The following HS6ST3 variants were observed in gnomAD, a reference collection of about 807,000 sequenced individuals.
HS6ST3 encodes heparan-sulfate 6-O-sulfotransferase 3.
Under a neutral mutation model 36.7 loss-of-function variants are expected in HS6ST3, and 12 were observed. That is an observed-to-expected ratio of 0.33 (90% CI 0.21 to 0.53). HS6ST3 has a LOEUF of 0.53. HS6ST3 is among the 20% of genes least tolerant of loss of function. HS6ST3 has a pLI of 0.95. For missense variants in HS6ST3, 584 were observed against 640.9 expected (o/e 0.91, Z 0.96); for synonymous variants, 240 against 257.5 (o/e 0.93, Z 0.65).
intron 1 of HS6ST3, among the ~76,000 whole-genome samples, chr13:96,347,512 G>A (rs2055161569): frequency 6.6e-6 from 1 of 152,020 alleles, no homozygotes; most frequent in African/African-American, 2.4e-5. Context: ...GCTGTTTGGG[G>A]GAATTTTTAA....
rs373358761 is a variant in HS6ST3, at chr13:96,385,206, T to C, written c.707+293637T>C. Among the ~76,000 whole-genome samples the C allele has an allele frequency of 5.7e-4, 87 of 152,048 alleles. 2 individuals are homozygous for C. The highest frequency in any genetic ancestry group is 2.1e-3 in the African/African-American group (85 of 41,460). ...AAAAAAAAAAAAAAAGAAAAGATTT[T>C]TTTCAAGATTAAAATAAGTTTTCCA... On this transcript the variant is annotated intron_variant, in intron 1 of 1. Transcript: ENST00000376705.
intron 1 of HS6ST3, among the ~76,000 whole-genome samples, chr13:96,495,668 C>T (rs556942469): frequency 9.3e-4 from 142 of 152,212 alleles, no homozygotes; most frequent in African/African-American, 3.2e-3. Flanking sequence ...ATCATTCTAG[C>T]CTGGGGCAAG....
chr13:96,146,451 C>G (rs1220877306), intron 1 of HS6ST3, among the ~76,000 whole-genome samples: 1 of 152,106 alleles, frequency 6.6e-6, no homozygotes, highest in Non-Finnish European at 1.5e-5. Context: ...ATTTGGCTCT[C>G]CGTTTGTCTG....
At chr13:96,176,497 A>G (rs1435472564) in intron 1 of HS6ST3, among the ~76,000 whole-genome samples, 1 of 151,908 alleles carries the variant, frequency 6.6e-6, no homozygotes, top group African/African-American at 2.4e-5. Context: ...GACCTTAGGT[A>G]CCTTGTAAGA....
intron 1 of HS6ST3, among the ~76,000 whole-genome samples, chr13:96,476,384 A>C (rs2055863971): frequency 1.3e-5 from 2 of 152,074 alleles, no homozygotes; most frequent in Admixed American, 6.5e-5. Flanking sequence ...TTCTTTTGAG[A>C]TGGAGTCTTC....
intron 1 of HS6ST3, among the ~76,000 whole-genome samples, chr13:96,172,308 A>G (rs2054191406): frequency 6.6e-6 from 1 of 152,210 alleles, no homozygotes; most frequent in South Asian, 2.1e-4. Flanking sequence ...TATATCATGC[A>G]GTCCAGTGTT....
At chr13:96,287,629 G>GT (rs2054810005) in intron 1 of HS6ST3, among the ~76,000 whole-genome samples, 1 of 152,056 alleles carries the variant, frequency 6.6e-6, no homozygotes, top group Non-Finnish European at 1.5e-5. Context: ...AGTTCATACA[G>GT]AGATGAATAT....
chr13:96,163,222 A>ATTTTTTT (rs147731415), intron 1 of HS6ST3, among the ~76,000 whole-genome samples: 9 of 79,076 alleles, frequency 1.1e-4, no homozygotes, highest in East Asian at 3.7e-4. Context: ...TCTGAGATAC[A>ATTTTTTT]TTTTTTTTTT....
At chr13:96,407,058 GT>G (rs1259454805) in intron 1 of HS6ST3, among the ~76,000 whole-genome samples, 1 of 152,106 alleles carries the variant, frequency 6.6e-6, no homozygotes, top group East Asian at 1.9e-4. Flanking sequence ...TTTATAAAAA[GT>G]TATATCATTT....
chr13:96,273,077 A>G (rs1454372571), intron 1 of HS6ST3, among the ~76,000 whole-genome samples: 1 of 152,016 alleles, frequency 6.6e-6, no homozygotes, highest in Non-Finnish European at 1.5e-5. Context: ...GATCCACGTA[A>G]TATTTCATTA....
chr13:96,492,550 C>T (rs74106483), intron 1 of HS6ST3, among the ~76,000 whole-genome samples: 4,914 of 152,288 alleles, frequency 0.032, 251 homozygotes, highest in African/African-American at 0.11. Flanking sequence ...AGAAATGTAG[C>T]CCCAGTGTCT....
At chr13:96,239,833 A>G (rs2054551778) in intron 1 of HS6ST3, among the ~76,000 whole-genome samples, 2 of 152,128 alleles carry the variant, frequency 1.3e-5, no homozygotes, top group African/African-American at 4.8e-5. Context: ...TAGGTGACTG[A>G]TGTGATTCTA....
At chr13:96,765,359 A>T (rs1877081580) in intron 1 of HS6ST3, among the ~76,000 whole-genome samples, 1 of 152,210 alleles carries the variant, frequency 6.6e-6, no homozygotes, top group African/African-American at 2.4e-5. Context: ...GGCGTGAACC[A>T]CCGCACCCGG....
chr13:96,272,756 A>G (rs1244139446), intron 1 of HS6ST3, among the ~76,000 whole-genome samples: 1 of 152,044 alleles, frequency 6.6e-6, no homozygotes, highest in Non-Finnish European at 1.5e-5. Context: ...TAAAATTTAC[A>G]TTGAGATATT....
intron 1 of HS6ST3, among the ~76,000 whole-genome samples, chr13:96,143,127 A>T (rs2054040000): frequency 6.6e-6 from 1 of 152,052 alleles, no homozygotes; most frequent in African/African-American, 2.4e-5. Context: ...TTCATTTGAA[A>T]TGTCTCTGTG....
At chr13:96,824,299 C>T (rs1047530637) in intron 1 of HS6ST3, among the ~76,000 whole-genome samples, 5 of 152,224 alleles carry the variant, frequency 3.3e-5, no homozygotes, top group African/African-American at 9.6e-5. Context: ...ACCACATGCA[C>T]GCATCTCCAT....
At chr13:96,563,321 A>G (rs2056269422) in intron 1 of HS6ST3, among the ~76,000 whole-genome samples, 1 of 152,176 alleles carries the variant, frequency 6.6e-6, no homozygotes, top group African/African-American at 2.4e-5. Context: ...TTAAAAAGAA[A>G]TCAAACCCCA....
At chr13:96,253,373 A>G (rs1016728945) in intron 1 of HS6ST3, among the ~76,000 whole-genome samples, 3 of 152,132 alleles carry the variant, frequency 2.0e-5, no homozygotes, top group East Asian at 1.9e-4. Flanking sequence ...GCTTTTCCCC[A>G]TGGAAGAAAT....
chr13:96,719,996 A>C (rs2138467935), intron 1 of HS6ST3, among the ~76,000 whole-genome samples: 1 of 152,246 alleles, frequency 6.6e-6, no homozygotes, highest in East Asian at 1.9e-4. Flanking sequence ...CAAGGGGCTA[A>C]CAAATTGCAG....
Sources: gnomAD v4.1 joint callset for allele counts (sites outside exome capture counted in the v4.1 genomes callset) on GRCh38, gnomAD v4.1.1 for gene constraint, MANE v1.5 for transcripts, NCBI Gene and HGNC (gene_info 2026-07-23, HGNC 2026-07-21) for gene names.